The following CLEC16A variants were observed in gnomAD, a reference collection of about 807,000 sequenced individuals.
The protein encoded by CLEC16A is protein CLEC16A.
A neutral mutation model predicts 109.5 loss-of-function variants in CLEC16A; 51 were observed. The ratio of observed to expected loss-of-function variants is 0.47; its 90% CI spans 0.37 to 0.59. The LOEUF (loss-of-function observed/expected upper bound fraction) is 0.59, where lower values mean the gene tolerates loss of function less well. CLEC16A is among the 20% of genes least tolerant of loss of function. CLEC16A has a pLI of 0.00. For synonymous variants in CLEC16A, 673 were observed against 564.2 expected (o/e 1.19, Z -2.73); for missense variants, 1,339 against 1,394.0 (o/e 0.96, Z 0.63).
intron 20 of CLEC16A, among the ~76,000 whole-genome samples, chr16:11,121,015 A>G (rs1328784990): frequency 6.6e-6 from 1 of 152,202 alleles, no homozygotes; most frequent in African/African-American, 2.4e-5. Flanking sequence ...GATAATCTTC[A>G]TTATCAGTGT....
intron 23 of CLEC16A, among the ~76,000 whole-genome samples, chr16:11,169,096 C>T (rs893989343): frequency 2.0e-5 from 3 of 152,150 alleles, no homozygotes; most frequent in Non-Finnish European, 4.4e-5. Flanking sequence ...CAGCTGCAGC[C>T]CCCTACAAGG....
At chr16:10,990,751 G>A (rs935314932) in intron 10 of CLEC16A, among the ~76,000 whole-genome samples, 7 of 152,196 alleles carry the variant, frequency 4.6e-5, no homozygotes, top group Middle Eastern at 3.2e-3. Flanking sequence ...CATGTAGAAT[G>A]GGGACCTTTT....
intron 22 of CLEC16A, 37 bp from the exon 23 acceptor site, chr16:11,166,349 CTT>C (rs779368942): frequency 1.3e-6 from 2 of 1,564,498 alleles, no homozygotes; most frequent in South Asian, 2.3e-5. Context: ...CAGGCCTACT[CTT>C]TGCTTCCACT....
intron 19 of CLEC16A, among the ~76,000 whole-genome samples, chr16:11,107,762 C>G (rs1044907127): frequency 5.7e-4 from 87 of 152,222 alleles, no homozygotes; most frequent in African/African-American, 2.0e-3. Context: ...TCAAAGCACT[C>G]AAGTTAGCTC....
At chr16:11,123,059 A>G (rs542527260) in intron 20 of CLEC16A, among the ~76,000 whole-genome samples, 3 of 151,806 alleles carry the variant, frequency 2.0e-5, no homozygotes, top group South Asian at 2.1e-4. Flanking sequence ...GCACGCCACC[A>G]TGCTTGGCTA....
At chr16:10,982,753 A>G (rs1048659849) in intron 9 of CLEC16A, 125 bp from the exon 10 acceptor site, 5 of 603,540 alleles carry the variant, frequency 8.3e-6, no homozygotes, top group African/African-American at 5.6e-5. Context: ...TGAATTTTGC[A>G]TCGTAGGAAT....
intron 22 of CLEC16A, among the ~76,000 whole-genome samples, chr16:11,133,049 T>A (rs1469692466): frequency 6.6e-6 from 1 of 152,190 alleles, no homozygotes; most frequent in Admixed American, 6.5e-5. Context: ...TTTATTCACT[T>A]CCTGTCCCAG....
rs142961543 is a variant in CLEC16A, at chr16:11,006,935, T to TA, written c.1303+3637dup. On this transcript the variant is annotated intron_variant, in intron 11 of 23. Transcript: ENST00000409790. ...CCCTAAATTTGCAGAAATTAAATAC[T>TA]AAAAAAAGAAGGATATCATCGTCCC... 6.2e-3 allele frequency among the ~76,000 whole-genome samples: 947 copies of TA among 152,084 alleles called. 4 individuals carry two copies. Among genetic ancestry groups the TA allele is most frequent in the African/African-American group, 0.022 (915 of 41,452 alleles).
At chr16:11,139,317 G>A (rs980621480) in intron 22 of CLEC16A, among the ~76,000 whole-genome samples, 1 of 152,182 alleles carries the variant, frequency 6.6e-6, no homozygotes, top group Non-Finnish European at 1.5e-5. Flanking sequence ...CCTCTGCTGA[G>A]GTTACAGCTT....
At chr16:10,994,703 C>CA (rs886651246) in intron 10 of CLEC16A, among the ~76,000 whole-genome samples, 264 of 146,830 alleles carry the variant, frequency 1.8e-3, no homozygotes, top group Non-Finnish European at 2.6e-3. Context: ...GATCCTGTCT[C>CA]AAAAAAAAAA....
chr16:11,014,916 A>T (rs1262186355), intron 11 of CLEC16A, among the ~76,000 whole-genome samples: 1 of 152,166 alleles, frequency 6.6e-6, no homozygotes, highest in African/African-American at 2.4e-5. Flanking sequence ...TCATCAGGGG[A>T]GGTCAAGTCC....
intron 10 of CLEC16A, among the ~76,000 whole-genome samples, chr16:10,992,734 G>C (rs1378564628): frequency 2.0e-5 from 3 of 151,932 alleles, no homozygotes; most frequent in Non-Finnish European, 4.4e-5. Context: ...ACAAGTTGCA[G>C]GCAGGTGCTG....
chr16:11,099,937 T>C (rs566994854), intron 19 of CLEC16A, among the ~76,000 whole-genome samples: 3 of 152,128 alleles, frequency 2.0e-5, no homozygotes, highest in South Asian at 4.1e-4. Flanking sequence ...ACAGTGGGGA[T>C]TGTGATTCTT....
chr16:11,012,371 G>C (rs1303658113), intron 11 of CLEC16A, among the ~76,000 whole-genome samples: 1 of 152,080 alleles, frequency 6.6e-6, no homozygotes, highest in East Asian at 1.9e-4. Flanking sequence ...CGAGGTGGGC[G>C]GATCATGAGG....
At chr16:11,011,736 G>A (rs1222266515) in intron 11 of CLEC16A, among the ~76,000 whole-genome samples, 3 of 152,060 alleles carry the variant, frequency 2.0e-5, no homozygotes, top group Non-Finnish European at 2.9e-5. Flanking sequence ...ATTTATATGT[G>A]CCTACATATA....
At chr16:10,945,710 T>C (rs569153762) in intron 1 of CLEC16A, among the ~76,000 whole-genome samples, 40 of 152,268 alleles carry the variant, frequency 2.6e-4, no homozygotes, top group African/African-American at 9.4e-4. Context: ...AGGTGGCCAG[T>C]AGTGGTAGCT....
chr16:10,971,575 A>G (rs1051592895), intron 5 of CLEC16A: 9 of 952,910 alleles, frequency 9.4e-6, no homozygotes, highest in Non-Finnish European at 1.0e-5. Flanking sequence ...TGGCTTGTGA[A>G]ATATACTTTA....
chr16:11,085,811 C>G (rs2049979404), intron 19 of CLEC16A, among the ~76,000 whole-genome samples: 1 of 152,172 alleles, frequency 6.6e-6, no homozygotes, highest in Admixed American at 6.5e-5. Flanking sequence ...AGGCTAGTCT[C>G]AAACCCCTGG....
intron 13 of CLEC16A, chr16:11,027,204 C>G (rs2046457163): frequency 1.4e-6 from 2 of 1,399,294 alleles, no homozygotes; most frequent in East Asian, 2.3e-5. Flanking sequence ...TGATTACTGG[C>G]AGCAGAAACC....
Sources: gnomAD v4.1 joint callset for allele counts (sites outside exome capture counted in the v4.1 genomes callset) on GRCh38, gnomAD v4.1.1 for gene constraint, MANE v1.5 for transcripts, NCBI Gene and HGNC (gene_info 2026-07-23, HGNC 2026-07-21) for gene names.